Variants in BPTF observed in about 807,000 individuals in gnomAD.
BPTF encodes nucleosome-remodeling factor subunit BPTF.
A neutral mutation model predicts 292.5 loss-of-function variants in BPTF; 18 were observed. The observed-to-expected ratio is 0.06, with a 90% CI of 0.04 to 0.09. The LOEUF (loss-of-function observed/expected upper bound fraction) is 0.09, where lower values mean the gene tolerates loss of function less well. Ranked by LOEUF, BPTF falls within the 10% of genes least tolerant of loss-of-function variation. BPTF has a pLI of 1.00. For synonymous variants in BPTF, 1,225 were observed against 1,251.9 expected (o/e 0.98, Z 0.45); for missense variants, 2,726 against 3,498.7 (o/e 0.78, Z 5.57).
chr17:67,973,259 A>G (rs982545624), intron 26 of BPTF, among the ~76,000 whole-genome samples: 6 of 150,386 alleles, frequency 4.0e-5, no homozygotes, highest in African/African-American at 1.5e-4. Context: ...CTGTAGTCCT[A>G]GCTACTCCAG....
At chr17:67,885,985 A>G in intron 4 of BPTF, 1 of 620,560 alleles carries the variant, frequency 1.6e-6, no homozygotes, top group Non-Finnish European at 2.8e-6. Context: ...ACTTTCTTTT[A>G]TACATTGCAT....
chr17:67,976,349 T>G (rs2069417543), intron 27 of BPTF, among the ~76,000 whole-genome samples: 1 of 152,182 alleles, frequency 6.6e-6, no homozygotes, highest in African/African-American at 2.4e-5. Flanking sequence ...GACGCACGCA[T>G]GTAATCTCAG....
intron 7 of BPTF, among the ~76,000 whole-genome samples, chr17:67,901,773 G>GC (rs1410792163): frequency 1.3e-5 from 2 of 152,190 alleles, no homozygotes; most frequent in Non-Finnish European, 2.9e-5. Flanking sequence ...GTGTAGGAAC[G>GC]CAGGGTGGCT....
At chr17:67,931,248 G>A (rs1174897195) in intron 17 of BPTF, among the ~76,000 whole-genome samples, 1 of 152,144 alleles carries the variant, frequency 6.6e-6, no homozygotes, top group African/African-American at 2.4e-5. Context: ...CTGGGCGAAA[G>A]AGCGAGATTC....
chr17:67,867,855 G>A (rs960055126), intron 3 of BPTF, among the ~76,000 whole-genome samples: 1 of 152,030 alleles, frequency 6.6e-6, no homozygotes, highest in African/African-American at 2.4e-5. Flanking sequence ...GGCAGTGTTC[G>A]TCAGGTTTCT....
Position 67,959,174 on chromosome 17 carries a change from A to G in BPTF, c.7927-367A>G, listed in dbSNP as rs149400195. ...AGGACAGAGAGCAAGAGCAACTAGA[A>G]GAAAGCAGCCAGTGAGAGAGGATGC... On this transcript the variant is annotated intron_variant, in intron 23 of 27. Transcript: ENST00000306378. Among the ~76,000 whole-genome samples the G allele has an allele frequency of 4.6e-3, 698 of 152,280 alleles. 5 individuals are homozygous for G. The highest frequency in any genetic ancestry group is 0.016 in the African/African-American group (655 of 41,564).
At chr17:67,830,061 T>G (rs2056525804) in intron 1 of BPTF, among the ~76,000 whole-genome samples, 1 of 152,238 alleles carries the variant, frequency 6.6e-6, no homozygotes, top group African/African-American at 2.4e-5. Context: ...ATTTTTACTT[T>G]TTAAATTTAG....
chr17:67,837,505 C>G (rs1003736700), intron 1 of BPTF, among the ~76,000 whole-genome samples: 10 of 150,618 alleles, frequency 6.6e-5, no homozygotes, highest in African/African-American at 2.5e-4. Context: ...CCTCCTTGGT[C>G]CAAGCAGTTC....
intron 4 of BPTF, among the ~76,000 whole-genome samples, chr17:67,877,852 C>T (rs998743902): frequency 3.3e-5 from 5 of 152,124 alleles, no homozygotes; most frequent in Non-Finnish European, 7.4e-5. Flanking sequence ...AGGCCAGTCT[C>T]GAACTCCTGG....
chr17:67,917,809 T>TTTTTGTTTTG (rs1473328244), intron 11 of BPTF, among the ~76,000 whole-genome samples: 1 of 151,426 alleles, frequency 6.6e-6, no homozygotes, highest in East Asian at 1.9e-4. Context: ...AGTTTTGTAT[T>TTTTTGTTTTG]TTTTGTTTTG....
At chr17:67,954,855 C>G (rs1462747883) in intron 23 of BPTF, among the ~76,000 whole-genome samples, 2 of 152,154 alleles carry the variant, frequency 1.3e-5, no homozygotes, top group African/African-American at 4.8e-5. Context: ...TTCAGTCTCT[C>G]TCTATAAATA....
chr17:67,948,205 A>G lies in BPTF; in HGVS notation c.7825A>G (p.Thr2609Ala). Residue 2609 changes from threonine to alanine, a missense_variant, in exon 23 of 28, where the codon ACT (threonine) becomes GCT (alanine). Thr to Ala is a moderately conservative substitution (Grantham distance 58, BLOSUM62 0). Coordinates refer to ENST00000306378, the MANE Select transcript of BPTF (RefSeq NM_182641.4). ...VEQKRSKQNATKLSALLFKHK... is the reference protein window; with the variant it reads ...VEQKRSKQNAAKLSALLFKHK... Reference sequence around the variant, plus strand: ...GCAGAAACGTAGCAAGCAGAATGCCACTAAGCTGTCAGCTCTGCTCTTCAA... The same window carrying G: ...GCAGAAACGTAGCAAGCAGAATGCCGCTAAGCTGTCAGCTCTGCTCTTCAA... 6.2e-7 allele frequency: 1 copy of G among 1,614,212 alleles called. No homozygotes were observed. The highest frequency in any genetic ancestry group is 8.5e-7 in the Non-Finnish European group (1 of 1,180,030).
At chr17:67,881,503 T>G (rs1438083635) in intron 4 of BPTF, among the ~76,000 whole-genome samples, 1 of 143,840 alleles carries the variant, frequency 7.0e-6, no homozygotes, top group African/African-American at 2.6e-5. Context: ...TTTTTTTTTT[T>G]TTTTTTTTTT....
chr17:67,917,133 T>TG (rs796889971), intron 11 of BPTF, among the ~76,000 whole-genome samples: 3 of 123,170 alleles, frequency 2.4e-5, no homozygotes, highest in African/African-American at 8.7e-5. Flanking sequence ...GTATTGTCCT[T>TG]TTTTTTTTTT....
intron 4 of BPTF, among the ~76,000 whole-genome samples, chr17:67,883,102 C>G (rs562834677): frequency 7.2e-5 from 11 of 151,840 alleles, no homozygotes; most frequent in Middle Eastern, 3.4e-3. Context: ...GATCACAGAT[C>G]AGGAGTTCGA....
intron 12 of BPTF, among the ~76,000 whole-genome samples, chr17:67,919,173 AAATAATAATAATAATAATAAT>A (rs141658141): frequency 6.6e-5 from 9 of 135,540 alleles, no homozygotes; most frequent in South Asian, 2.4e-4. Context: ...CTCTGTCTCA[AAATAATAATAATAATAATAAT>A]AATAATAATA....
At chr17:67,840,516 C>T (rs1396180493) in intron 1 of BPTF, among the ~76,000 whole-genome samples, 5 of 151,766 alleles carry the variant, frequency 3.3e-5, no homozygotes, top group African/African-American at 4.8e-5. Context: ...CCTCCTCCCC[C>T]CTTCCCCCTT....
chr17:67,947,859 G>T lies in BPTF; in HGVS notation c.7700+51G>T, dbSNP rs782011251. The T allele has an allele frequency of 1.0e-5, 15 of 1,493,206 alleles. No individual in the cohort carries two copies. The South Asian group carries it at 1.7e-4, about 17-fold the overall frequency. The allele number at this position is 1,493,206 out of a possible 1,614,324, so 92.5% of individuals were successfully genotyped here. On this transcript the variant is annotated intron_variant, in intron 22 of 27. Coordinates refer to ENST00000306378, the MANE Select transcript of BPTF (RefSeq NM_182641.4). ...TCTGTCCGTCTCTTCTCTTTATCGT[G>T]CACACGCACAGAGTTCTGAGTTTAT... is the stretch of plus-strand genomic sequence containing the variant.
At chr17:67,935,660 C>T (rs757404586) in intron 18 of BPTF, among the ~76,000 whole-genome samples, 6 of 151,862 alleles carry the variant, frequency 4.0e-5, no homozygotes, top group South Asian at 4.2e-4. Flanking sequence ...GTTCAAGACC[C>T]GCCTGCCCAA....
Sources: allele counts gnomAD v4.1 joint callset (sites outside exome capture counted in the v4.1 genomes callset), GRCh38; gene constraint gnomAD v4.1.1; transcripts MANE v1.5; gene names NCBI Gene and HGNC (gene_info 2026-07-23, HGNC 2026-07-21).